LAMC3: variants seen among roughly 807,000 people sequenced by gnomAD.
LAMC3 encodes the protein laminin subunit gamma 3, also known as laminin subunit gamma-3.
LAMC3 carries 128 observed loss-of-function variants against 173.8 expected under a neutral mutation model. The ratio of observed to expected loss-of-function variants is 0.74; its 90% CI spans 0.64 to 0.85. The LOEUF (loss-of-function observed/expected upper bound fraction) is 0.85, where lower values mean the gene tolerates loss of function less well. LAMC3 is among the 40% of genes least tolerant of loss of function. The pLI is 0.00. For synonymous variants in LAMC3, 897 were observed against 909.1 expected (o/e 0.99, Z 0.24); for missense variants, 2,022 against 2,156.0 (o/e 0.94, Z 1.23).
chr9:131,018,903 T>C (rs1264281416), intron 1 of LAMC3, among the ~76,000 whole-genome samples: 2 of 152,168 alleles, frequency 1.3e-5, no homozygotes, highest in African/African-American at 4.8e-5. Flanking sequence ...CTTGGAACCA[T>C]AGGTTTGAGC....
intron 17 of LAMC3, among the ~76,000 whole-genome samples, chr9:131,070,650 G>T (rs113393116): frequency 1.3e-5 from 2 of 152,078 alleles, no homozygotes; most frequent in South Asian, 4.1e-4. Context: ...GGCGGAGGTC[G>T]CAGGGAGCCA....
At chr9:131,064,076 GT>G (rs1419511395) in intron 13 of LAMC3, among the ~76,000 whole-genome samples, 2 of 151,954 alleles carry the variant, frequency 1.3e-5, no homozygotes, top group African/African-American at 4.8e-5. Flanking sequence ...CCCGGCTAAT[GT>G]TTGTATTTTT....
Position 131,026,735 on chromosome 9 carries a change from A to G in LAMC3, c.678+146A>G. 1 of 1,370,278 alleles carries G rather than the reference A, an allele frequency of 7.3e-7. No homozygotes were observed. Among genetic ancestry groups the G allele is most frequent in the Non-Finnish European group, 9.6e-7 (1 of 1,043,458 alleles). 84.9% of individuals were successfully genotyped at this position (1,370,278 alleles called of 1,614,324 possible). On this transcript the variant is annotated intron_variant, in intron 2 of 27. Transcript: ENST00000361069. This position sits in a 1 kb window ranked among gnomAD's most constrained non-coding sequence, Gnocchi z 4.8. ...TTTCTTCTTTTATTTTTGGAGACTG[A>G]GTCTTGCTCTGTCGCCCAGGCTGGA...
rs1475575080 is a variant in LAMC3 at position 131,079,163 on chromosome 9, G to C, written c.3792G>C (p.Arg1264=). The C allele has an allele frequency of 1.2e-6, 2 of 1,613,702 alleles. No individual in the cohort carries two copies. Among genetic ancestry groups the C allele is most frequent in the Admixed American group, 1.7e-5 (1 of 59,952 alleles). The change falls in exon 23 of 28, where the codon CGG becomes CGC. Residue 1264 remains arginine, a synonymous_variant. Transcript: ENST00000361069. ...ASPGALPQKS[R]AEDLGLKAKA... Reference sequence around the variant, plus strand: ...TCTCCCTGCAGCCTCAGAAGTCCCGGGCTGAAGACCTGGGCCTGAAGGCGA... The same window carrying C: ...TCTCCCTGCAGCCTCAGAAGTCCCGCGCTGAAGACCTGGGCCTGAAGGCGA...
Position 131,069,708 on chromosome 9 carries a change from A to G in LAMC3, c.2927A>G (p.Gln976Arg), listed in dbSNP as rs1830006601. 1.2e-6 allele frequency: 2 copies of G among 1,604,564 alleles called. No homozygotes were observed. The highest frequency in any genetic ancestry group is 1.7e-6 in the Non-Finnish European group (2 of 1,176,710). Residue 976 changes from glutamine to arginine, a missense_variant, in exon 17 of 28, where the codon CAG becomes CGG. Physicochemically the swap from Gln to Arg is conservative, Grantham distance 43. Coordinates refer to ENST00000361069, the MANE Select transcript of LAMC3 (RefSeq NM_006059.4). ...TCCCCACTGGGCGCTGCCTCGGCCC[A>G]GTGCCACGAGAACGGCACATGCGTG... ...RCSPLGAASA[Q>R]CHENGTCVCR... is the part of the protein sequence containing the mutation.
At position 131,085,457 on chromosome 9, in the gene LAMC3, C is replaced by T. The variant is rs970364608; in HGVS notation, c.4031-67C>T. ...GTGGTCAGCCAGGCAGCTCTGCCAG[C>T]GGCTGCCTGGGAGGCACCGGAGGTG... is the stretch of plus-strand genomic sequence containing the variant. On this transcript the variant is annotated intron_variant, in intron 24 of 27. Transcript: ENST00000361069. The T allele has an allele frequency of 4.7e-5, 72 of 1,535,822 alleles. 1 individual carries two copies. In the Admixed American group the frequency reaches 5.8e-4, roughly 12 times the overall value.
rs1301675829 is a variant in LAMC3 at position 131,049,044 on chromosome 9, G to C, written c.1544G>C (p.Ser515Thr). The change falls in exon 9 of 28, where the codon AGT becomes ACT. Residue 515 changes from serine (S) to threonine (T), a missense_variant. Ser to Thr is a moderately conservative substitution (Grantham distance 58, BLOSUM62 1). Coordinates refer to ENST00000361069, the MANE Select transcript of LAMC3 (RefSeq NM_006059.4). ...HQGAEGWWAR[S>T]VGGSEHPPQW... ...GGAGCCGAAGGCTGGTGGGCCAGAAGTGTGGGGGGCTCTGAGCACCCCCCA... is the reference window on the plus strand; with the variant it reads ...GGAGCCGAAGGCTGGTGGGCCAGAACTGTGGGGGGCTCTGAGCACCCCCCA... 6.4e-7 allele frequency: 1 copy of C among 1,551,086 alleles called. No homozygotes were observed. Among genetic ancestry groups the C allele is most frequent in the Non-Finnish European group, 8.7e-7 (1 of 1,146,626 alleles).
intron 13 of LAMC3, among the ~76,000 whole-genome samples, chr9:131,065,943 C>T (rs1829924867): frequency 6.6e-6 from 1 of 152,070 alleles, no homozygotes; most frequent in African/African-American, 2.4e-5. Context: ...GGCACAGTGG[C>T]ACATGCCTGT....
chr9:131,056,506 T>A (rs1932371), intron 11 of LAMC3, among the ~76,000 whole-genome samples: 100,415 of 143,574 alleles, frequency 0.7, 34,779 homozygotes, highest in African/African-American at 0.74. Flanking sequence ...AAAATAAAAA[T>A]AAAAATCAAC....
intron 11 of LAMC3, 140 bp from the exon 12 acceptor site, chr9:131,056,789 C>CA (rs376688987): frequency 5.4e-6 from 4 of 747,308 alleles, no homozygotes; most frequent in Non-Finnish European, 7.2e-6. Context: ...GAATCTGTCT[C>CA]AAAAAAAGAA....
intron 25 of LAMC3, chr9:131,085,985 G>T: frequency 1.8e-6 from 1 of 544,068 alleles, no homozygotes; most frequent in South Asian, 2.4e-5. Context: ...ACCTGGGTCT[G>T]CTGGCTTTCC....
Position 131,085,621 on chromosome 9 carries a change from G to A in LAMC3, c.4128G>A (p.Lys1376=). ...SDRLLADTRK[K]TKQAERMLGN... is the part of the protein sequence containing the mutation. ...GACTCCTTGCAGACACGAGAAAGAA[G>A]ACCAAGCAGGCGGAGAGGATGCTGG... The change falls in exon 25 of 28, where the codon AAG becomes AAA. Residue 1376 remains lysine (K), a synonymous_variant. Coordinates refer to ENST00000361069, the MANE Select transcript of LAMC3 (RefSeq NM_006059.4). 6.2e-7 allele frequency: 1 copy of A among 1,614,168 alleles called. No homozygotes were observed. Among genetic ancestry groups the A allele is most frequent in the Non-Finnish European group, 8.5e-7 (1 of 1,180,044 alleles).
At chr9:131,074,914 A>G (rs1257000102) in intron 20 of LAMC3, among the ~76,000 whole-genome samples, 1 of 152,070 alleles carries the variant, frequency 6.6e-6, no homozygotes, top group Non-Finnish European at 1.5e-5. Context: ...TATGCTGTCT[A>G]TATTGGGGTG....
intron 13 of LAMC3, among the ~76,000 whole-genome samples, chr9:131,064,316 T>C (rs1056077055): frequency 6.6e-6 from 1 of 152,198 alleles, no homozygotes; most frequent in South Asian, 2.1e-4. Flanking sequence ...AATTAGTACA[T>C]ACTCTTGACT....
chr9:131,048,849 G>T (rs1462458701), intron 8 of LAMC3, among the ~76,000 whole-genome samples, 171 bp from the exon 9 acceptor site: 1 of 152,088 alleles, frequency 6.6e-6, no homozygotes, highest in African/African-American at 2.4e-5. Flanking sequence ...CACTGAAAGG[G>T]CAGGGCAGGC....
At chr9:131,028,703 A>G (rs1833773432) in intron 2 of LAMC3, among the ~76,000 whole-genome samples, 1 of 152,248 alleles carries the variant, frequency 6.6e-6, no homozygotes, top group Non-Finnish European at 1.5e-5. Flanking sequence ...GGGACCAACC[A>G]GGCTCTGAGC....
At chr9:131,060,225 G>A (rs1274821414) in intron 12 of LAMC3, among the ~76,000 whole-genome samples, 1 of 152,172 alleles carries the variant, frequency 6.6e-6, no homozygotes, top group Non-Finnish European at 1.5e-5. Flanking sequence ...CCAGAATTCT[G>A]GGTCTGTGTC....
intron 8 of LAMC3, among the ~76,000 whole-genome samples, chr9:131,045,994 C>CA (rs1834147693): frequency 6.6e-6 from 1 of 152,180 alleles, no homozygotes; most frequent in South Asian, 2.1e-4. Flanking sequence ...GATTCAGGCT[C>CA]AGTCTCCTGG....
At position 131,057,884 on chromosome 9, in the gene LAMC3, C is replaced by A. The variant is rs866339726; in HGVS notation, c.2158+737C>A. ...CTTGGGAAATAATAAAATAGTGTCA[C>A]CAGGTTCCTGCATGTGCTAGTCACC... On this transcript the variant is annotated intron_variant, in intron 12 of 27. Transcript: ENST00000361069. 1.4e-4 allele frequency among the ~76,000 whole-genome samples: 22 copies of A among 152,306 alleles called. No homozygotes were observed. The Middle Eastern group carries it at 0.017, about 118-fold the overall frequency.
Sources: gnomAD v4.1 joint callset for allele counts (sites outside exome capture counted in the v4.1 genomes callset) on GRCh38, gnomAD v4.1.1 for gene constraint, Gnocchi (gnomAD v3.1) non-coding constraint, MANE v1.5 for transcripts, NCBI Gene and HGNC (gene_info 2026-07-23, HGNC 2026-07-21) for gene names.